The following CCDC7 variants were observed in gnomAD, a reference collection of about 807,000 sequenced individuals.
CCDC7 encodes the protein coiled-coil domain-containing protein 7.
In CCDC7, 183 loss-of-function variants were observed where a neutral mutation model predicts 196.9. That is an observed-to-expected ratio of 0.93 (90% CI 0.82 to 1.05). The LOEUF is 1.05. CCDC7 is among the 50% of genes least tolerant of loss of function. The probability of loss-of-function intolerance (pLI) is 0.00; values close to 1 mark genes in which losing one functional copy is unlikely to be tolerated. For missense variants in CCDC7, 1,540 were observed against 1,482.2 expected (o/e 1.04, Z -0.64); for synonymous variants, 525 against 484.6 (o/e 1.08, Z -1.10).
exon 5 of CCDC7, chr10:32,463,036 A>G (rs1588818168): frequency 6.2e-7 from 1 of 1,613,614 alleles, no homozygotes; most frequent in Non-Finnish European, 8.5e-7. Context: ...TGGCAGGTCA[A>G]TCAGATGGAA....
intron 8 of CCDC7, among the ~76,000 whole-genome samples, chr10:32,485,011 A>C (rs1436671846): frequency 1.3e-5 from 2 of 152,238 alleles, no homozygotes; most frequent in African/African-American, 4.8e-5. Context: ...TGCTGGCCTC[A>C]TAAAATGAGT....
At chr10:32,496,418 A>G (rs941562910) in intron 9 of CCDC7, among the ~76,000 whole-genome samples, 4 of 152,082 alleles carry the variant, frequency 2.6e-5, no homozygotes, top group African/African-American at 9.7e-5. Context: ...TTCCAATACT[A>G]TGTTGAATAG....
intron 21 of CCDC7, among the ~76,000 whole-genome samples, chr10:32,670,304 G>T (rs912724959): frequency 1.3e-5 from 2 of 152,080 alleles, no homozygotes; most frequent in East Asian, 1.9e-4. Flanking sequence ...TTTTTTAAGG[G>T]TAGATGATTT....
chr10:32,828,804 G>A (rs2091782171), intron 32 of CCDC7, among the ~76,000 whole-genome samples: 1 of 152,140 alleles, frequency 6.6e-6, no homozygotes, highest in Non-Finnish European at 1.5e-5. Flanking sequence ...GAATCATGGG[G>A]TGGAAGTGGG....
chr10:32,586,608 C>T lies in CCDC7; in HGVS notation c.1801+2304C>T, dbSNP rs201190507. Among the ~76,000 whole-genome samples, 7 of 152,052 alleles carry T rather than the reference C, an allele frequency of 4.6e-5. No homozygotes were observed. The East Asian group carries it at 1.3e-3, about 29-fold the overall frequency. On this transcript the variant is annotated intron_variant, in intron 18 of 41. Coordinates refer to ENST00000639629, the Ensembl canonical transcript of CCDC7. ...TTCTGCATATGGCTAGCCACTTTTCCCAACACCATTTATTAAATAGGGAAT... is the reference window on the plus strand; with the variant it reads ...TTCTGCATATGGCTAGCCACTTTTCTCAACACCATTTATTAAATAGGGAAT...
At chr10:32,882,627 G>A (rs2094832694) in intron 22 of CCDC7, 66 bp from the exon 44 acceptor site, 1 of 152,244 alleles carries the variant, frequency 6.6e-6, no homozygotes, top group South Asian at 2.1e-4. Flanking sequence ...AGAAAGGTTT[G>A]TATGTGTGTA....
At chr10:32,744,169 A>T (rs2074304606) in intron 28 of CCDC7, among the ~76,000 whole-genome samples, 1 of 152,036 alleles carries the variant, frequency 6.6e-6, no homozygotes, top group Admixed American at 6.6e-5. Flanking sequence ...AGAAAATAAC[A>T]TGGCCAACAG....
chr10:32,616,310 TG>T (rs2138960307), intron 18 of CCDC7, among the ~76,000 whole-genome samples: 1 of 152,182 alleles, frequency 6.6e-6, no homozygotes, highest in Non-Finnish European at 1.5e-5. Context: ...TTTTTCTATT[TG>T]TTTGCATAGT....
chr10:32,825,102 C>T (rs11009103), intron 32 of CCDC7, among the ~76,000 whole-genome samples: 13,506 of 152,274 alleles, frequency 0.089, 867 homozygotes, highest in East Asian at 0.33. Context: ...CAATGACACA[C>T]TTCTCCTTAA....
At chr10:32,874,389 G>C (rs73264334) in intron 41 of CCDC7, among the ~76,000 whole-genome samples, 5,785 of 151,444 alleles carry the variant, frequency 0.038, 390 homozygotes, top group African/African-American at 0.13. Context: ...CACCTGAGTT[G>C]TGTGCATTAT....
At chr10:32,865,402 TACACACAC>T (rs57916933) in intron 41 of CCDC7, among the ~76,000 whole-genome samples, 40 of 148,914 alleles carry the variant, frequency 2.7e-4, no homozygotes, top group African/African-American at 7.6e-4. Flanking sequence ...ACTCCTATTA[TACACACAC>T]ACACACACAC....
chr10:32,869,815 C>T (rs1210441507), intron 41 of CCDC7, among the ~76,000 whole-genome samples: 5 of 82,146 alleles, frequency 6.1e-5, no homozygotes, highest in Admixed American at 2.4e-4. Context: ...AATAGGGAAT[C>T]GTTTCCCCAT....
At chr10:32,744,693 GT>G (rs1484453797) in intron 28 of CCDC7, among the ~76,000 whole-genome samples, 1 of 152,136 alleles carries the variant, frequency 6.6e-6, no homozygotes. Flanking sequence ...AGTTTTAAGA[GT>G]TCTTTGCATA....
At chr10:32,583,563 A>G (rs2058945042) in intron 17 of CCDC7, among the ~76,000 whole-genome samples, 1 of 149,582 alleles carries the variant, frequency 6.7e-6, no homozygotes, top group Non-Finnish European at 1.5e-5. Context: ...TTTTAATGGT[A>G]ATATAAAAGA....
intron 11 of CCDC7, among the ~76,000 whole-genome samples, chr10:32,527,350 G>C (rs1390116973): frequency 6.6e-6 from 1 of 152,116 alleles, no homozygotes; most frequent in African/African-American, 2.4e-5. Context: ...GCCTCTTTTG[G>C]CAATATGAAG....
chr10:32,545,889 GA>G lies in CCDC7; in HGVS notation c.1134+1589del. 2.7e-5 allele frequency among the ~76,000 whole-genome samples: 3 copies of G among 111,270 alleles called. No individual in the cohort carries two copies. The East Asian group carries it at 8.1e-4, about 30-fold the overall frequency. 73.0% of individuals were successfully genotyped at this position (111,270 alleles called of 152,430 possible). ...CCACTGCACGCCAGCCTGGGCAACA[GA>G]GCAAAACTCCGTCTCAAAAAAAAAA... On this transcript the variant is annotated intron_variant, in intron 13 of 41. Transcript: ENST00000639629.
At chr10:32,704,433 C>G (rs1009157259) in intron 24 of CCDC7, among the ~76,000 whole-genome samples, 2 of 152,078 alleles carry the variant, frequency 1.3e-5, no homozygotes, top group Non-Finnish European at 2.9e-5. Context: ...GGGGGTGCCT[C>G]CCATTTAGGC....
rs148798097 is a variant in CCDC7, at chr10:32,492,679, G to T, written c.872+682G>T. ...AAGATAGAATGATGGTTGCCAGGGG[G>T]TACAGGAGGGGGAAATGGGGAGTTA... On this transcript the variant is annotated intron_variant, in intron 9 of 41. Transcript: ENST00000639629. Among the ~76,000 whole-genome samples the T allele has an allele frequency of 4.2e-3, 634 of 152,042 alleles. 2 individuals are homozygous for T. The highest frequency in any genetic ancestry group is 6.8e-3 in the Middle Eastern group (2 of 294).
intron 21 of CCDC7, among the ~76,000 whole-genome samples, chr10:32,675,229 T>A (rs2074727719): frequency 6.6e-6 from 1 of 152,156 alleles, no homozygotes; most frequent in South Asian, 2.1e-4. Flanking sequence ...ATATACTTTA[T>A]TTCCTTTTCA....
Sources: gnomAD v4.1 joint callset for allele counts (sites outside exome capture counted in the v4.1 genomes callset) on GRCh38, gnomAD v4.1.1 for gene constraint, MANE v1.5 for transcripts, NCBI Gene and HGNC (gene_info 2026-07-23, HGNC 2026-07-21) for gene names.